Variants in EPS8L3 observed in about 807,000 individuals in gnomAD.
EPS8L3 encodes EPS8 signaling adaptor L3, also known as epidermal growth factor receptor kinase substrate 8-like protein 3.
EPS8L3 carries 80 observed loss-of-function variants against 88.5 expected under a neutral mutation model. That is an observed-to-expected ratio of 0.90 (90% CI 0.75 to 1.09). EPS8L3 has a LOEUF of 1.09. Ranked by LOEUF, EPS8L3 falls within the 50% of genes least tolerant of loss-of-function variation. The pLI is 0.00. For missense variants in EPS8L3, 721 were observed against 735.2 expected, an observed-to-expected ratio of 0.98 and a Z score of 0.22; for synonymous variants, 286 against 291.0, an observed-to-expected ratio of 0.98 and a Z score of 0.18.
In EPS8L3 at chr1:109,753,152, A is replaced by C. The variant is rs139620733; in HGVS notation, c.1165T>G (p.Ser389Ala). 27 of 1,613,382 alleles carry C rather than the reference A, an allele frequency of 1.7e-5. No individual in the cohort carries two copies. Among genetic ancestry groups the C allele is most frequent in the Non-Finnish European group, 2.2e-5 (26 of 1,179,722 alleles). ...GGCTCTGGAAGTTGCCAGTCATCTG[A>C]GAATGTGGGTTGGTAGGGCAGGGGC... ...DEPLPYQPTF[S>A]DDWQLPEPSS... Residue 389 changes from serine to alanine, a missense_variant, in exon 13 of 19, where the codon TCA becomes GCA. By Grantham distance (99) the Ser-to-Ala change is moderately conservative (BLOSUM62 1). Transcript: ENST00000361965.
chr1:109,752,337 G>C (rs990011686), intron 14 of EPS8L3, 144 bp from the exon 15 acceptor site: 1 of 768,864 alleles, frequency 1.3e-6, no homozygotes, highest in African/African-American at 1.7e-5. Flanking sequence ...GCAGGTCAGT[G>C]TTAGGTGGGG....
In EPS8L3 at chr1:109,751,282, T is replaced by C; in HGVS notation, c.1633A>G (p.Thr545Ala). The C allele has an allele frequency of 6.2e-7, 1 of 1,613,772 alleles. No individual in the cohort carries two copies. The highest frequency in any genetic ancestry group is 1.1e-5 in the South Asian group (1 of 90,982). Reference protein sequence around the residue: ...TDWLQAENFSTATVRTLGSLT... With the variant: ...TDWLQAENFSAATVRTLGSLT... ...CCTGTAGGGCCAGGCACTCACGCAG[T>C]GGAGAAGTTCTCTGCCTGCAGCCAG... Residue 545 changes from threonine (T) to alanine (A), a missense_variant, in exon 17 of 19, where the codon ACT becomes GCT. Physicochemically the swap from Thr to Ala is moderately conservative, Grantham distance 58. Transcript: ENST00000361965.
chr1:109,753,614 T>TA (rs201683543), intron 12 of EPS8L3, among the ~76,000 whole-genome samples: 1,691 of 152,310 alleles, frequency 0.011, 14 homozygotes, highest in Middle Eastern at 0.024. Context: ...TCTTTCTAGC[T>TA]AAATTGTCTG....
In EPS8L3 at chr1:109,758,809, C is replaced by A. The variant is rs540740155; in HGVS notation, c.462-146G>T. On this transcript the variant is annotated intron_variant, in intron 6 of 18. Coordinates refer to ENST00000361965, the MANE Select transcript of EPS8L3 (RefSeq NM_133181.4). ...CTCCCTGGTCTCCTTCTGGACCCAC[C>A]CCTGACTCCACCCTGCCTCATCTGC... 6 of 1,016,550 alleles carry A rather than the reference C, an allele frequency of 5.9e-6. No individual in the cohort carries two copies. In the South Asian group the frequency reaches 6.8e-5, roughly 12 times the overall value. 63.0% of individuals were successfully genotyped at this position (1,016,550 alleles called of 1,614,324 possible).
chr1:109,751,994 C>T lies in EPS8L3; in HGVS notation c.1434+1G>A, dbSNP rs747926789. ...TTTCTAGCCTATGGCCCAAGCCTCA[C>T]CTCCAGCTTCTCTCCCTGGACCACA... On this transcript the variant is annotated splice_donor_variant, in intron 15 of 18. Transcript: ENST00000361965. LOFTEE classifies it high-confidence loss of function. The T allele has an allele frequency of 6.2e-7, 1 of 1,601,718 alleles. No homozygotes were observed. The highest frequency in any genetic ancestry group is 8.5e-7 in the Non-Finnish European group (1 of 1,173,202).
In EPS8L3 at chr1:109,761,745, G is replaced by C. The variant is rs1387322382; in HGVS notation, c.5C>G (p.Ser2Ter). The C allele has an allele frequency of 1.2e-6, 2 of 1,613,910 alleles. No homozygotes were observed. Among genetic ancestry groups the C allele is most frequent in the African/African-American group, 2.7e-5 (2 of 74,900 alleles). Residue 2 changes from serine to a stop codon, truncating the protein, a stop_gained, in exon 2 of 19, where the codon TCA (serine) becomes TGA (stop). Transcript: ENST00000361965. LOFTEE classifies it high-confidence loss of function. M[S>*]RPSSRAIYLH... ...GTAAATGGCTCTGCTGCTGGGCCTT[G>C]ACATGTTGACGCTGCTGAGGACGGC...
Position 109,761,104 on chromosome 1 carries a change from C to G in EPS8L3, c.96+391G>C, listed in dbSNP as rs186561971. 1.6e-3 allele frequency: 296 copies of G among 187,804 alleles called. 2 individuals carry two copies. Among genetic ancestry groups the G allele is most frequent in the Admixed American group, 3.1e-3 (58 of 18,946 alleles). 11.6% of individuals were successfully genotyped at this position (187,804 alleles called of 1,614,324 possible). A position where few individuals can be genotyped will look rare whatever the true frequency, so the allele number is the denominator to read the frequency against. ...CCAAAGATCCCACACACTCCTGCCTCCAGCCATGCAAGGTCTTGGGCAATG... is the reference window on the plus strand; with the variant it reads ...CCAAAGATCCCACACACTCCTGCCTGCAGCCATGCAAGGTCTTGGGCAATG... On this transcript the variant is annotated intron_variant, in intron 3 of 18. Transcript: ENST00000361965.
chr1:109,755,038 A>G (rs1557991786), intron 12 of EPS8L3, among the ~76,000 whole-genome samples: 1 of 152,256 alleles, frequency 6.6e-6, no homozygotes, highest in Non-Finnish European at 1.5e-5. Flanking sequence ...TGTCATACCC[A>G]TAACAATGGG....
chr1:109,750,273 G>A lies in EPS8L3; in HGVS notation c.*118C>T. On this transcript the variant is annotated 3_prime_UTR_variant, in exon 19 of 19. Transcript: ENST00000361965. Reference sequence around the variant, plus strand: ...CCATTGTTTTTGCTGTGTGAGCTGGGGTGTGGGGTTTGCTGCAAACTGGGA... The same window carrying A: ...CCATTGTTTTTGCTGTGTGAGCTGGAGTGTGGGGTTTGCTGCAAACTGGGA... The A allele has an allele frequency of 8.1e-7, 1 of 1,232,460 alleles. No individual in the cohort carries two copies. The highest frequency in any genetic ancestry group is 1.2e-6 in the Non-Finnish European group (1 of 856,500). 76.3% of individuals were successfully genotyped at this position (1,232,460 alleles called of 1,614,324 possible).
At chr1:109,751,933 T>C (rs1398012439) in intron 15 of EPS8L3, 62 bp downstream of exon 15, 2 of 1,563,240 alleles carry the variant, frequency 1.3e-6, no homozygotes, top group Non-Finnish European at 1.7e-6. Flanking sequence ...CCATCCACCC[T>C]TGGCTGCCTG....
chr1:109,750,477 T>C, intron 18 of EPS8L3, 75 bp from the exon 19 acceptor site: 1 of 1,595,912 alleles, frequency 6.3e-7, no homozygotes, highest in Admixed American at 1.7e-5. Flanking sequence ...CCAATAAGCT[T>C]GGAGCCTCAA....
At chr1:109,752,768 A>G (rs368649821) in intron 13 of EPS8L3, 48 bp from the exon 14 acceptor site, 29 of 1,519,582 alleles carry the variant, frequency 1.9e-5, no homozygotes, top group African/African-American at 4.1e-5. Flanking sequence ...GGCAGCCAGC[A>G]TGGTGGGAGG....
chr1:109,753,417 A>G (rs1440094455), intron 12 of EPS8L3, among the ~76,000 whole-genome samples: 2 of 152,162 alleles, frequency 1.3e-5, no homozygotes, highest in Non-Finnish European at 2.9e-5. Context: ...CTGGGGGTCA[A>G]CCTCACCTCT....
chr1:109,757,692 G>A, intron 10 of EPS8L3, 110 bp downstream of exon 10: 1 of 1,404,308 alleles, frequency 7.1e-7, no homozygotes, highest in Non-Finnish European at 1.0e-6. Flanking sequence ...GTTCTAGGGG[G>A]AGTAGATGAA....
In EPS8L3 at chr1:109,750,323, C is replaced by G. The variant is rs191322577; in HGVS notation, c.*68G>C. 5.0e-6 allele frequency: 8 copies of G among 1,596,542 alleles called. No individual in the cohort carries two copies. The highest frequency in any genetic ancestry group is 6.9e-6 in the Non-Finnish European group (8 of 1,167,108). The stretch of plus-strand genomic sequence containing the variant: ...ATCCAGAAGAGGAATTCTCGGGGCT[C>G]TAATGGGTATCAGATCTGCCATCTT... On this transcript the variant is annotated 3_prime_UTR_variant, in exon 19 of 19. Transcript: ENST00000361965.
intron 13 of EPS8L3, 36 bp from the exon 14 acceptor site, chr1:109,752,756 G>A (rs1443379959): frequency 2.6e-6 from 4 of 1,543,058 alleles, no homozygotes; most frequent in East Asian, 2.4e-5. Flanking sequence ...GTAAGAGCAG[G>A]AGGCAGCCAG....
chr1:109,758,157 C>T, intron 8 of EPS8L3, 99 bp from the exon 9 acceptor site: 2 of 1,337,982 alleles, frequency 1.5e-6, no homozygotes, highest in South Asian at 2.5e-5. Context: ...AAGCCCCAGC[C>T]TCAGGCCCAG....
intron 1 of EPS8L3, among the ~76,000 whole-genome samples, chr1:109,762,784 G>A (rs1322632978): frequency 1.3e-5 from 2 of 152,220 alleles, no homozygotes; most frequent in Non-Finnish European, 2.9e-5. Context: ...GGTCACAAAT[G>A]AACGTTTAAT....
At chr1:109,751,506 T>A in intron 16 of EPS8L3, 148 bp downstream of exon 16, 6 of 1,377,654 alleles carry the variant, frequency 4.4e-6, no homozygotes, top group Non-Finnish European at 6.1e-6. Flanking sequence ...TTCTCTGCTC[T>A]GGCCCCATGA....
Sources: allele counts gnomAD v4.1 joint callset (sites outside exome capture counted in the v4.1 genomes callset), GRCh38; gene constraint gnomAD v4.1.1; transcripts MANE v1.5; gene names NCBI Gene and HGNC (gene_info 2026-07-23, HGNC 2026-07-21).